Variants in LRMDA observed in about 807,000 individuals in gnomAD.
The protein encoded by LRMDA is leucine-rich melanocyte differentiation-associated protein.
A neutral mutation model predicts 29.8 loss-of-function variants in LRMDA; 18 were observed. That is an observed-to-expected ratio of 0.60 (90% CI 0.42 to 0.90). The LOEUF is 0.90. Among genes scored for constraint, LRMDA ranks in the 40% least tolerant of loss-of-function variants. LRMDA has a pLI of 0.00. For synonymous variants in LRMDA, 125 were observed against 109.4 expected, an observed-to-expected ratio of 1.14 and a Z score of -0.89; for missense variants, 273 against 273.9, an observed-to-expected ratio of 1.00 and a Z score of 0.02.
At chr10:75,628,903 G>A (rs769129330) in intron 2 of LRMDA, among the ~76,000 whole-genome samples, 5 of 152,228 alleles carry the variant, frequency 3.3e-5, no homozygotes, top group Non-Finnish European at 5.9e-5. Context: ...CACTGCCTTA[G>A]AGTACCCAAG....
chr10:76,059,663 C>A (rs1407247137), intron 5 of LRMDA, among the ~76,000 whole-genome samples: 1 of 152,158 alleles, frequency 6.6e-6, no homozygotes, highest in Non-Finnish European at 1.5e-5. Context: ...TCTAGTTTAT[C>A]CTCAGCTATT....
chr10:75,897,908 C>A (rs1482358068), intron 2 of LRMDA, among the ~76,000 whole-genome samples: 1 of 145,902 alleles, frequency 6.9e-6, no homozygotes, highest in South Asian at 2.3e-4. Context: ...CTGCAACCTC[C>A]ACCTCCCAGG....
At chr10:76,165,131 C>T (rs760250097) in intron 5 of LRMDA, among the ~76,000 whole-genome samples, 1 of 152,198 alleles carries the variant, frequency 6.6e-6, no homozygotes, top group Non-Finnish European at 1.5e-5. Context: ...TGCCACCATG[C>T]CCACCTAATT....
At chr10:76,187,402 A>G (rs1201683249) in intron 5 of LRMDA, among the ~76,000 whole-genome samples, 1 of 152,156 alleles carries the variant, frequency 6.6e-6, no homozygotes, top group African/African-American at 2.4e-5. Context: ...CCCTTGTATC[A>G]GGGACCAGGA....
At chr10:75,747,232 A>T (rs1212052481) in intron 2 of LRMDA, among the ~76,000 whole-genome samples, 1 of 152,172 alleles carries the variant, frequency 6.6e-6, no homozygotes, top group Non-Finnish European at 1.5e-5. Flanking sequence ...TAGAAAAAAT[A>T]ATTAGATTAC....
chr10:75,494,802 G>T (rs1489868474), intron 2 of LRMDA, among the ~76,000 whole-genome samples: 1 of 152,138 alleles, frequency 6.6e-6, no homozygotes, highest in African/African-American at 2.4e-5. Context: ...TGCCTGGCCT[G>T]TTTGTTTCTT....
chr10:76,211,194 A>T (rs1260255316), intron 5 of LRMDA, among the ~76,000 whole-genome samples: 2 of 152,174 alleles, frequency 1.3e-5, no homozygotes, highest in Non-Finnish European at 1.5e-5. Flanking sequence ...ACCTATCAAC[A>T]TCCTACAGTT....
chr10:75,436,420 G>A (rs1226366143), intron 1 of LRMDA, among the ~76,000 whole-genome samples: 3 of 151,980 alleles, frequency 2.0e-5, no homozygotes, highest in Non-Finnish European at 2.9e-5. Context: ...TCTGGTGAGC[G>A]CCATGGACCT....
At chr10:75,892,167 A>G (rs185338673) in intron 2 of LRMDA, among the ~76,000 whole-genome samples, 2 of 152,332 alleles carry the variant, frequency 1.3e-5, no homozygotes, top group Admixed American at 1.3e-4. Context: ...CTTGCTCGTT[A>G]TATTCCTTGT....
Position 76,001,234 on chromosome 10 carries a change from C to G in LRMDA, c.132-34774C>G, listed in dbSNP as rs865842423. ...GTCATTTCATGCTGGGTTACCCTAG[C>G]AAAACACAACAAACACAAACAAATA... On this transcript the variant is annotated intron_variant, in intron 2 of 6. Coordinates refer to ENST00000611255, the MANE Select transcript of LRMDA (RefSeq NM_001305581.2). 2.0e-5 allele frequency among the ~76,000 whole-genome samples: 3 copies of G among 152,178 alleles called. No homozygotes were observed. The South Asian group carries it at 6.2e-4, about 32-fold the overall frequency.
At chr10:75,589,746 A>G (rs1031187292) in intron 2 of LRMDA, among the ~76,000 whole-genome samples, 1 of 146,848 alleles carries the variant, frequency 6.8e-6, no homozygotes, top group African/African-American at 2.5e-5. Flanking sequence ...CCTGGGAGAT[A>G]GAGACCCTGT....
At chr10:75,757,972 G>A (rs562286109) in intron 2 of LRMDA, among the ~76,000 whole-genome samples, 28 of 152,190 alleles carry the variant, frequency 1.8e-4, no homozygotes, top group African/African-American at 4.3e-4. Flanking sequence ...GCTAATTTTC[G>A]TATTTTTAGT....
At chr10:76,082,794 A>G (rs1308125082) in intron 5 of LRMDA, among the ~76,000 whole-genome samples, 1 of 152,202 alleles carries the variant, frequency 6.6e-6, no homozygotes, top group East Asian at 1.9e-4. Flanking sequence ...CTGAATTAAT[A>G]TACTCATATC....
At position 76,171,423 on chromosome 10, in the gene LRMDA, G is replaced by A. The variant is rs1302125200; in HGVS notation, c.516+112640G>A. ...CAAAGTGCTGGGATTACAGGCGTGA[G>A]CCACCACACCCAGCCTATCTTTGAT... is the stretch of plus-strand genomic sequence containing the variant. On this transcript the variant is annotated intron_variant, in intron 5 of 6. Coordinates refer to ENST00000611255, the MANE Select transcript of LRMDA (RefSeq NM_001305581.2). Among the ~76,000 whole-genome samples, 5 of 152,330 alleles carry A rather than the reference G, an allele frequency of 3.3e-5. 1 individual carries two copies. Among genetic ancestry groups the A allele is most frequent in the Non-Finnish European group, 7.4e-5 (5 of 68,026 alleles).
chr10:75,497,566 A>C (rs1372190124), intron 2 of LRMDA, among the ~76,000 whole-genome samples: 1 of 107,450 alleles, frequency 9.3e-6, no homozygotes. Flanking sequence ...GTAGATCCTG[A>C]TTTCAACCTA....
chr10:76,512,472 G>T (rs1170810676), intron 6 of LRMDA, among the ~76,000 whole-genome samples: 5 of 152,140 alleles, frequency 3.3e-5, no homozygotes, highest in African/African-American at 1.2e-4. Flanking sequence ...ACATTTCAAT[G>T]GGAAAAGAAC....
At chr10:75,530,947 A>C (rs2132042883) in intron 2 of LRMDA, among the ~76,000 whole-genome samples, 1 of 152,306 alleles carries the variant, frequency 6.6e-6, no homozygotes, top group African/African-American at 2.4e-5. Flanking sequence ...CACTATTAGC[A>C]ATCTCAATGA....
chr10:76,052,281 C>T (rs1848542326), intron 4 of LRMDA, among the ~76,000 whole-genome samples: 1 of 152,218 alleles, frequency 6.6e-6, no homozygotes, highest in South Asian at 2.1e-4. Flanking sequence ...TCTAATGACC[C>T]CATGCCCAGT....
At chr10:75,899,198 C>T (rs1381020901) in intron 2 of LRMDA, among the ~76,000 whole-genome samples, 1 of 152,222 alleles carries the variant, frequency 6.6e-6, no homozygotes, top group East Asian at 1.9e-4. Context: ...AAAGCTCCAA[C>T]CCTCTCAAAA....
Sources: gnomAD v4.1 joint callset for allele counts (sites outside exome capture counted in the v4.1 genomes callset) on GRCh38, gnomAD v4.1.1 for gene constraint, MANE v1.5 for transcripts, NCBI Gene and HGNC (gene_info 2026-07-23, HGNC 2026-07-21) for gene names.